Variants in TRIM22 observed in about 807,000 individuals in gnomAD.
TRIM22 encodes E3 ubiquitin-protein ligase TRIM22.
TRIM22 carries 45 observed loss-of-function variants against 53.6 expected under a neutral mutation model. That is an observed-to-expected ratio of 0.84 (90% CI 0.66 to 1.08). TRIM22 has a LOEUF of 1.08. Among genes scored for constraint, TRIM22 ranks in the 50% least tolerant of loss-of-function variants. The pLI is 0.00. For missense variants in TRIM22, 616 were observed against 590.9 expected, an observed-to-expected ratio of 1.04 and a Z score of -0.44; for synonymous variants, 225 against 216.6, an observed-to-expected ratio of 1.04 and a Z score of -0.34.
intron 1 of TRIM22, among the ~76,000 whole-genome samples, chr11:5,690,849 G>T (rs1853161884): frequency 6.6e-6 from 1 of 152,230 alleles, no homozygotes; most frequent in African/African-American, 2.4e-5. Flanking sequence ...CAGCAGGGAT[G>T]AGAGCCCTTA....
chr11:5,703,779 C>G (rs1853414321), intron 4 of TRIM22, among the ~76,000 whole-genome samples: 1 of 152,002 alleles, frequency 6.6e-6, no homozygotes, highest in East Asian at 1.9e-4. Flanking sequence ...TGGGTTGATT[C>G]CATGTCTTTG....
At chr11:5,705,789 A>C (rs1853448387) in intron 4 of TRIM22, among the ~76,000 whole-genome samples, 1 of 152,214 alleles carries the variant, frequency 6.6e-6, no homozygotes, top group African/African-American at 2.4e-5. Context: ...GGATATTGAC[A>C]CTATTCGGGA....
intron 4 of TRIM22, among the ~76,000 whole-genome samples, chr11:5,702,714 T>C (rs1023193855): frequency 3.3e-5 from 5 of 152,102 alleles, no homozygotes; most frequent in Admixed American, 6.5e-5. Flanking sequence ...TATATATTAG[T>C]TGAGAATCAG....
At chr11:5,696,718 C>A in intron 2 of TRIM22, 63 bp downstream of exon 2, 1 of 1,516,770 alleles carries the variant, frequency 6.6e-7, no homozygotes, top group South Asian at 1.3e-5. Flanking sequence ...TGTGAAATCT[C>A]CACTTTTTTT....
intron 4 of TRIM22, among the ~76,000 whole-genome samples, chr11:5,705,859 G>A (rs1460443093): frequency 1.3e-5 from 2 of 152,080 alleles, no homozygotes; most frequent in African/African-American, 4.8e-5. Context: ...TCAGTTACTT[G>A]GTCCTGTGGC....
chr11:5,702,066 T>C (rs1264998003), intron 4 of TRIM22, among the ~76,000 whole-genome samples: 1 of 147,608 alleles, frequency 6.8e-6, no homozygotes, highest in Non-Finnish European at 1.5e-5. Flanking sequence ...ATTACTAATA[T>C]ACATCACAAA....
chr11:5,694,604 C>T (rs1461466024), intron 1 of TRIM22, among the ~76,000 whole-genome samples: 1 of 152,238 alleles, frequency 6.6e-6, no homozygotes, highest in Non-Finnish European at 1.5e-5. Flanking sequence ...TTCACTCTTA[C>T]TCTACCTATT....
At chr11:5,700,438 G>T (rs1853353899) in intron 4 of TRIM22, among the ~76,000 whole-genome samples, 1 of 151,908 alleles carries the variant, frequency 6.6e-6, no homozygotes, top group South Asian at 2.1e-4. Context: ...GTTTTTATTT[G>T]TCTTTGCTTG....
At chr11:5,700,524 T>C (rs1250166682) in intron 4 of TRIM22, among the ~76,000 whole-genome samples, 1 of 146,314 alleles carries the variant, frequency 6.8e-6, no homozygotes, top group African/African-American at 2.5e-5. Context: ...TCCTTTTTTC[T>C]GACCTTAGGG....
Position 5,696,169 on chromosome 11 carries a change from C to A in TRIM22, c.-64C>A. 6.7e-7 allele frequency: 1 copy of A among 1,483,126 alleles called. No individual in the cohort carries two copies. The highest frequency in any genetic ancestry group is 9.1e-7 in the Non-Finnish European group (1 of 1,093,578). 91.9% of individuals were successfully genotyped at this position (1,483,126 alleles called of 1,614,324 possible). A position where few individuals can be genotyped will look rare whatever the true frequency, so the allele number is the denominator to read the frequency against. On this transcript the variant is annotated splice_region_variant and 5_prime_UTR_variant, in exon 2 of 8. The change creates a new upstream start codon in the 5' untranslated region. Transcript: ENST00000379965. The stretch of plus-strand genomic sequence containing the variant: ...CCTGTCCCCTTCAACATTCTCAGCA[C>A]TGCAGGAGTTTGTGACCAAGAACTT...
intron 1 of TRIM22, among the ~76,000 whole-genome samples, chr11:5,692,760 G>A (rs1296591001): frequency 7.1e-6 from 1 of 140,298 alleles, no homozygotes; most frequent in African/African-American, 2.7e-5. Context: ...AGGAGTTTGA[G>A]ACCAGCCTGG....
intron 2 of TRIM22, chr11:5,697,028 C>T (rs1853275665): frequency 3.8e-6 from 2 of 521,634 alleles, no homozygotes; most frequent in African/African-American, 1.9e-5. Context: ...GGAAAAGAAT[C>T]AGGCTACTCT....
chr11:5,697,384 C>A (rs1853284427), intron 3 of TRIM22, 41 bp downstream of exon 3: 4 of 1,476,808 alleles, frequency 2.7e-6, no homozygotes, highest in Non-Finnish European at 3.7e-6. Flanking sequence ...AGACAGGAAT[C>A]TGGGCAGGAC....
At chr11:5,699,531 A>C (rs1853329952) in intron 4 of TRIM22, among the ~76,000 whole-genome samples, 6 of 5,208 alleles carry the variant, frequency 1.2e-3, no homozygotes, top group Admixed American at 0.011. Context: ...ACTCCGTCTC[A>C]AAAAAAAAAA....
At chr11:5,703,315 G>A (rs545762194) in intron 4 of TRIM22, among the ~76,000 whole-genome samples, 3 of 152,140 alleles carry the variant, frequency 2.0e-5, no homozygotes, top group South Asian at 4.2e-4. Context: ...TTCAGTTCCC[G>A]TGTTAATTTG....
chr11:5,698,716 A>C (rs558044029), intron 4 of TRIM22, among the ~76,000 whole-genome samples, 171 bp downstream of exon 4: 1 of 152,332 alleles, frequency 6.6e-6, no homozygotes, highest in South Asian at 2.1e-4. Flanking sequence ...AGAGATCATT[A>C]AGTGTATGAA....
chr11:5,703,093 T>A (rs1207414476), intron 4 of TRIM22, among the ~76,000 whole-genome samples: 1 of 152,192 alleles, frequency 6.6e-6, no homozygotes, highest in Non-Finnish European at 1.5e-5. Context: ...ATGTGCAGGT[T>A]TGTTACATGG....
At chr11:5,695,076 A>T (rs12289981) in intron 1 of TRIM22, among the ~76,000 whole-genome samples, 1 of 152,038 alleles carries the variant, frequency 6.6e-6, no homozygotes, top group Non-Finnish European at 1.5e-5. Flanking sequence ...TATAGAGGAC[A>T]TATCAGTGAA....
At chr11:5,700,165 C>T (rs1853347796) in intron 4 of TRIM22, among the ~76,000 whole-genome samples, 1 of 151,736 alleles carries the variant, frequency 6.6e-6, no homozygotes, top group Non-Finnish European at 1.5e-5. Flanking sequence ...TACTGTTACC[C>T]AGGCTAGAAT....
Sources: gnomAD v4.1 joint callset for allele counts (sites outside exome capture counted in the v4.1 genomes callset) on GRCh38, gnomAD v4.1.1 for gene constraint, MANE v1.5 for transcripts, NCBI Gene and HGNC (gene_info 2026-07-23, HGNC 2026-07-21) for gene names.